FGF12: variants seen among roughly 807,000 people sequenced by gnomAD.
The protein encoded by FGF12 is fibroblast growth factor 12.
Under a neutral mutation model 23.6 loss-of-function variants are expected in FGF12, and 14 were observed. The ratio of observed to expected loss-of-function variants is 0.59; its 90% CI spans 0.39 to 0.93. The LOEUF is 0.93. Among genes scored for constraint, FGF12 ranks in the 40% least tolerant of loss-of-function variants. The pLI, the probability that FGF12 is intolerant of heterozygous loss-of-function variation, is 0.00. For synonymous variants in FGF12, 62 were observed against 77.3 expected (o/e 0.80, Z 1.04); for missense variants, 175 against 217.8 (o/e 0.80, Z 1.24).
chr3:192,191,862 C>T (rs1458501339), intron 4 of FGF12, among the ~76,000 whole-genome samples: 1 of 149,748 alleles, frequency 6.7e-6, no homozygotes, highest in African/African-American at 2.4e-5. Context: ...CTTTAAAAAA[C>T]TAATAACAAA....
intron 5 of FGF12, among the ~76,000 whole-genome samples, chr3:192,148,376 C>T (rs1577173212): frequency 6.6e-6 from 1 of 152,258 alleles, no homozygotes; most frequent in African/African-American, 2.4e-5. Context: ...AATATTGATT[C>T]CACTTATGTG....
chr3:192,423,688 T>C (rs1316922225), intron 2 of FGF12, among the ~76,000 whole-genome samples: 1 of 152,180 alleles, frequency 6.6e-6, no homozygotes, highest in Non-Finnish European at 1.5e-5. Flanking sequence ...CAGTTCTTGG[T>C]AGCTTAAGCA....
chr3:192,398,362 A>C (rs981224764), intron 2 of FGF12, among the ~76,000 whole-genome samples: 1 of 149,768 alleles, frequency 6.7e-6, no homozygotes, highest in Admixed American at 6.8e-5. Context: ...TTCAGGCTAA[A>C]GAGGCCCTTA....
chr3:192,332,166 G>T (rs1717158219), intron 4 of FGF12, among the ~76,000 whole-genome samples: 1 of 151,954 alleles, frequency 6.6e-6, no homozygotes, highest in African/African-American at 2.4e-5. Context: ...TAATCAAACT[G>T]GCAGCAAGAA....
At chr3:192,293,686 T>A (rs1356537047) in intron 4 of FGF12, among the ~76,000 whole-genome samples, 1 of 152,192 alleles carries the variant, frequency 6.6e-6, no homozygotes, top group Non-Finnish European at 1.5e-5. Context: ...CGTTCCTTCT[T>A]TTTGTGTGGA....
intron 2 of FGF12, among the ~76,000 whole-genome samples, chr3:192,471,288 C>T (rs1406699435): frequency 6.6e-6 from 1 of 152,102 alleles, no homozygotes; most frequent in African/African-American, 2.4e-5. Context: ...CTTTAGGAGC[C>T]AAGCAGTGGT....
At chr3:192,312,379 C>T (rs1715995790) in intron 4 of FGF12, among the ~76,000 whole-genome samples, 1 of 150,634 alleles carries the variant, frequency 6.6e-6, no homozygotes, top group South Asian at 2.1e-4. Context: ...GTTACTTTTT[C>T]ATATGTCATG....
chr3:192,208,418 GC>G (rs2108674541), intron 4 of FGF12, among the ~76,000 whole-genome samples: 1 of 152,226 alleles, frequency 6.6e-6, no homozygotes, highest in South Asian at 2.1e-4. Context: ...TTGTCTTTAA[GC>G]CTGAATCTCA....
At chr3:192,725,748 T>C (rs1016532) in intron 2 of FGF12, among the ~76,000 whole-genome samples, 53,216 of 152,104 alleles carry the variant, frequency 0.35, 11,721 homozygotes, top group African/African-American at 0.61. Context: ...TAAAATGATA[T>C]TCTTTTTCTG....
intron 2 of FGF12, among the ~76,000 whole-genome samples, chr3:192,424,763 GACAC>G (rs530771873): frequency 6.6e-6 from 1 of 151,814 alleles, no homozygotes; most frequent in Non-Finnish European, 1.5e-5. Flanking sequence ...CACACAGAGA[GACAC>G]ACACACAAAC....
chr3:192,205,658 G>A (rs1335325184), intron 4 of FGF12, among the ~76,000 whole-genome samples: 4 of 152,184 alleles, frequency 2.6e-5, no homozygotes, highest in Non-Finnish European at 5.9e-5. Context: ...TTGTAAAAAT[G>A]TGACTTGTGC....
intron 2 of FGF12, among the ~76,000 whole-genome samples, chr3:192,709,347 T>C (rs1349737579): frequency 1.3e-5 from 2 of 152,224 alleles, no homozygotes; most frequent in African/African-American, 4.8e-5. Flanking sequence ...GAGTCCTGTA[T>C]CTGTATCCAA....
chr3:192,404,651 T>C (rs762180602), intron 2 of FGF12, among the ~76,000 whole-genome samples: 2 of 152,206 alleles, frequency 1.3e-5, no homozygotes, highest in Non-Finnish European at 2.9e-5. Context: ...CTTTTCTCAT[T>C]AGAAAGTGCA....
chr3:192,347,355 C>T (rs963588292), intron 3 of FGF12, among the ~76,000 whole-genome samples: 1 of 152,124 alleles, frequency 6.6e-6, no homozygotes, highest in African/African-American at 2.4e-5. Context: ...ATTATTGAAT[C>T]AAAATTTGCA....
At chr3:192,324,686 T>G (rs1010468524) in intron 4 of FGF12, among the ~76,000 whole-genome samples, 3 of 152,348 alleles carry the variant, frequency 2.0e-5, no homozygotes, top group African/African-American at 7.2e-5. Flanking sequence ...ACATTTTAAA[T>G]TACTACTTAA....
intron 4 of FGF12, among the ~76,000 whole-genome samples, chr3:192,211,046 T>C (rs1018488966): frequency 7.9e-5 from 12 of 152,208 alleles, no homozygotes; most frequent in African/African-American, 2.9e-4. Flanking sequence ...AAGGATACTC[T>C]TCCTGTTGTT....
chr3:192,407,948 G>T, intron 2 of FGF12: 4 of 1,444,604 alleles, frequency 2.8e-6, no homozygotes, highest in Non-Finnish European at 2.8e-6. Flanking sequence ...TCCCTTCCAC[G>T]GGGGTCCCGA....
At chr3:192,305,385 T>G (rs575750140) in intron 4 of FGF12, among the ~76,000 whole-genome samples, 2 of 152,082 alleles carry the variant, frequency 1.3e-5, no homozygotes, top group East Asian at 3.9e-4. Context: ...TTTGTTTGTG[T>G]TTTACTTTTC....
chr3:192,525,909 G>A (rs568562407), intron 2 of FGF12, among the ~76,000 whole-genome samples: 1 of 152,252 alleles, frequency 6.6e-6, no homozygotes, highest in East Asian at 1.9e-4. Context: ...TGAGTAGCTG[G>A]GACTACAGGT....
Sources: gnomAD v4.1 joint callset for allele counts (sites outside exome capture counted in the v4.1 genomes callset) on GRCh38, gnomAD v4.1.1 for gene constraint, MANE v1.5 for transcripts, NCBI Gene and HGNC (gene_info 2026-07-23, HGNC 2026-07-21) for gene names.